NMNAT2: variants seen among roughly 807,000 people sequenced by gnomAD.
The protein encoded by NMNAT2 is nicotinamide nucleotide adenylyltransferase 2.
In NMNAT2, 11 loss-of-function variants were observed where a neutral mutation model predicts 41.6. That is an observed-to-expected ratio of 0.26 (90% confidence interval 0.17 to 0.44). The LOEUF is 0.44. NMNAT2 is among the 20% of genes least tolerant of loss of function. The pLI is 1.00. For synonymous variants in NMNAT2, 148 were observed against 151.2 expected, an observed-to-expected ratio of 0.98 and a Z score of 0.16; for missense variants, 288 against 407.7, an observed-to-expected ratio of 0.71 and a Z score of 2.53.
chr1:183,386,249 G>A (rs1648239126), intron 1 of NMNAT2, among the ~76,000 whole-genome samples: 1 of 152,082 alleles, frequency 6.6e-6, no homozygotes, highest in Admixed American at 6.6e-5. Flanking sequence ...ACCTTTGAGA[G>A]ATTTAGAAAG....
intron 1 of NMNAT2, among the ~76,000 whole-genome samples, chr1:183,358,954 T>A (rs1237769141): frequency 1.3e-5 from 2 of 152,112 alleles, no homozygotes; most frequent in Non-Finnish European, 2.9e-5. Flanking sequence ...TAAGCAAGTG[T>A]TGATTTGAAG....
rs1332531541 is a variant in NMNAT2, at chr1:183,304,973, C to T, written c.86-11180G>A. 3.3e-6 allele frequency: 3 copies of T among 912,546 alleles called. No individual in the cohort carries two copies. In the African/African-American group the frequency reaches 5.1e-5, roughly 16 times the overall value. The allele number at this position is 912,546 out of a possible 1,614,324, so 56.5% of individuals were successfully genotyped here. On this transcript the variant is annotated intron_variant, in intron 1 of 10. Coordinates refer to ENST00000287713, the MANE Select transcript of NMNAT2 (RefSeq NM_015039.4). The stretch of plus-strand genomic sequence containing the variant: ...TGAGAGAACCTCTCATATGCTCCCG[C>T]TTGTAGGAGCCACTCCGGAAGTGTG...
At chr1:183,327,510 C>T (rs1399774949) in intron 1 of NMNAT2, among the ~76,000 whole-genome samples, 2 of 152,352 alleles carry the variant, frequency 1.3e-5, no homozygotes, top group East Asian at 1.9e-4. Context: ...CTTGCTACCT[C>T]GACAGCTCAT....
intron 5 of NMNAT2, among the ~76,000 whole-genome samples, chr1:183,285,527 C>T (rs1661379469): frequency 1.3e-5 from 2 of 152,166 alleles, no homozygotes; most frequent in African/African-American, 4.8e-5. Flanking sequence ...TAGCTGTATG[C>T]AAACTGTGAA....
Position 183,252,506 on chromosome 1 carries a change from C to T in NMNAT2, c.*135G>A. On this transcript the variant is annotated 3_prime_UTR_variant, in exon 11 of 11. Transcript: ENST00000287713. ...AATGCCATGGTTCTCTGCAGGTCCC[C>T]CACACTATGGGGGGTTAAGTCAGCA... 1 of 738,864 alleles carries T rather than the reference C, an allele frequency of 1.4e-6. No homozygotes were observed. Among genetic ancestry groups the T allele is most frequent in the Non-Finnish European group, 2.5e-6 (1 of 405,874 alleles). 45.8% of individuals were successfully genotyped at this position (738,864 alleles called of 1,614,324 possible).
intron 1 of NMNAT2, among the ~76,000 whole-genome samples, chr1:183,360,119 C>A (rs1482449975): frequency 6.6e-6 from 1 of 152,098 alleles, no homozygotes; most frequent in Non-Finnish European, 1.5e-5. Context: ...ATTTCTGTAT[C>A]ATTTCACTTT....
intron 10 of NMNAT2, among the ~76,000 whole-genome samples, chr1:183,252,997 T>C (rs1660430763): frequency 6.6e-6 from 1 of 152,208 alleles, no homozygotes; most frequent in Non-Finnish European, 1.5e-5. Context: ...TTCAGTTTTT[T>C]TCCTGTAAAA....
chr1:183,360,968 C>T (rs1663294833), intron 1 of NMNAT2, among the ~76,000 whole-genome samples: 1 of 152,120 alleles, frequency 6.6e-6, no homozygotes, highest in Non-Finnish European at 1.5e-5. Context: ...CTCCACCAAC[C>T]CCTCTCTCCA....
At chr1:183,348,420 C>T (rs1337776601) in intron 1 of NMNAT2, among the ~76,000 whole-genome samples, 1 of 152,102 alleles carries the variant, frequency 6.6e-6, no homozygotes. Flanking sequence ...CATTGAGCTC[C>T]CCTGTATATA....
intron 1 of NMNAT2, among the ~76,000 whole-genome samples, chr1:183,306,300 T>C (rs138600313): frequency 2.3e-3 from 357 of 152,312 alleles, no homozygotes; most frequent in South Asian, 3.5e-3. Context: ...GGAATCCAGA[T>C]AGCCCCTGGA....
At chr1:183,257,568 C>T (rs1007496294) in intron 10 of NMNAT2, among the ~76,000 whole-genome samples, 20 of 152,154 alleles carry the variant, frequency 1.3e-4, no homozygotes, top group Non-Finnish European at 2.4e-4. Flanking sequence ...TGTTATTGGT[C>T]TGTTCAGGCT....
At chr1:183,343,590 A>G (rs911618450) in intron 1 of NMNAT2, among the ~76,000 whole-genome samples, 3 of 152,216 alleles carry the variant, frequency 2.0e-5, no homozygotes, top group African/African-American at 7.2e-5. Flanking sequence ...AGAGCTTCAT[A>G]GATGCTCTGT....
At chr1:183,290,972 A>C (rs1178322395) in intron 3 of NMNAT2, among the ~76,000 whole-genome samples, 1 of 152,176 alleles carries the variant, frequency 6.6e-6, no homozygotes, top group Admixed American at 6.5e-5. Flanking sequence ...GCTGGAGTGC[A>C]GTGGCAAGAC....
intron 1 of NMNAT2, among the ~76,000 whole-genome samples, chr1:183,393,659 G>A (rs1393396735): frequency 1.4e-4 from 22 of 152,104 alleles, no homozygotes; most frequent in East Asian, 1.9e-4. Context: ...GGGTTCAAGC[G>A]ATTCGCCTGC....
intron 1 of NMNAT2, among the ~76,000 whole-genome samples, chr1:183,342,899 AATTATTATT>A (rs36111392): frequency 9.6e-5 from 14 of 145,844 alleles, no homozygotes; most frequent in Admixed American, 1.4e-4. Context: ...ATGACTGGCT[AATTATTATT>A]ATTATTATTA....
At position 183,318,007 on chromosome 1, in the gene NMNAT2, G is replaced by T. The variant is rs112869462; in HGVS notation, c.86-24214C>A. ...ATACAGTGTTAAAGGAGCTGTAATA[G>T]CCAAAACGTCTGAGTGTCTATTATG... On this transcript the variant is annotated intron_variant, in intron 1 of 10. Transcript: ENST00000287713. Among the ~76,000 whole-genome samples, 811 of 152,306 alleles carry T rather than the reference G, an allele frequency of 5.3e-3. 5 individuals are homozygous for T. The highest frequency in any genetic ancestry group is 7.8e-3 in the Admixed American group (120 of 15,300).
chr1:183,296,334 A>T (rs185574098), intron 1 of NMNAT2, among the ~76,000 whole-genome samples: 3 of 152,330 alleles, frequency 2.0e-5, no homozygotes, highest in Admixed American at 1.3e-4. Context: ...ACAAGGAGCC[A>T]TATGAATCAT....
At chr1:183,310,095 G>A (rs984297949) in intron 1 of NMNAT2, among the ~76,000 whole-genome samples, 7 of 152,188 alleles carry the variant, frequency 4.6e-5, no homozygotes, top group Non-Finnish European at 8.8e-5. Flanking sequence ...TTTACAGAGA[G>A]AGCAGTTTTA....
intron 1 of NMNAT2, among the ~76,000 whole-genome samples, chr1:183,399,689 C>A (rs1356810817): frequency 1.3e-5 from 2 of 152,148 alleles, no homozygotes; most frequent in African/African-American, 4.8e-5. Context: ...CCAAATCCAG[C>A]AGCACATCAA....
Sources: allele counts gnomAD v4.1 joint callset (sites outside exome capture counted in the v4.1 genomes callset), GRCh38; gene constraint gnomAD v4.1.1; transcripts MANE v1.5; gene names NCBI Gene and HGNC (gene_info 2026-07-23, HGNC 2026-07-21).